Variants in PHF10 observed in about 807,000 individuals in gnomAD.
The protein encoded by PHF10 is PHD finger protein 10, also known as BRG1-associated factor 45a.
Under a neutral mutation model 68.5 loss-of-function variants are expected in PHF10, and 51 were observed. The observed-to-expected ratio is 0.74, with a 90% CI of 0.59 to 0.94. The LOEUF is 0.94. PHF10 is among the 40% of genes least tolerant of loss of function. PHF10 has a pLI of 0.00. For missense variants in PHF10, 460 were observed against 602.6 expected (o/e 0.76, Z 2.48); for synonymous variants, 204 against 203.5 (o/e 1.00, Z -0.02).
At chr6:169,713,853 G>A (rs560895519) in intron 7 of PHF10, among the ~76,000 whole-genome samples, 19 of 152,322 alleles carry the variant, frequency 1.2e-4, no homozygotes, top group African/African-American at 4.3e-4. Flanking sequence ...GCTGGGCACA[G>A]TGGCTCACAC....
chr6:169,723,662 C>T (rs984390139), intron 1 of PHF10, among the ~76,000 whole-genome samples, 183 bp downstream of exon 1: 1 of 151,844 alleles, frequency 6.6e-6, no homozygotes, highest in Non-Finnish European at 1.5e-5. Context: ...ACTTGTTGCT[C>T]GCTAGAGGCC....
chr6:169,721,254 C>A, intron 1 of PHF10, 143 bp from the exon 2 acceptor site: 2 of 533,018 alleles, frequency 3.8e-6, no homozygotes, highest in Non-Finnish European at 6.6e-6. Context: ...AAGAGTTTGG[C>A]ATGAGCAAGA....
rs1408968108 is a variant in PHF10, at chr6:169,705,328, C to T, written c.1223-7G>A. The T allele has an allele frequency of 1.3e-6, 2 of 1,594,244 alleles. No individual in the cohort carries two copies. Among genetic ancestry groups the T allele is most frequent in the African/African-American group, 1.3e-5 (1 of 74,258 alleles). On this transcript the variant is annotated splice_region_variant and splice_polypyrimidine_tract_variant and intron_variant, in intron 10 of 11. Transcript: ENST00000339209. ...TCCAGGCAAGAAGGATGGCCTAAAT[C>T]AAAACCAGTATTAGTGGTATCTCAC...
In PHF10 at chr6:169,712,610, G is replaced by A. The variant is rs190964999; in HGVS notation, c.804-71C>T. On this transcript the variant is annotated intron_variant, in intron 7 of 11. Transcript: ENST00000339209. ...ATAAACAGACTCATCTTTGACCTAT[G>A]AAGATAGCCTTAAACTTCTTGAGTA... 2.2e-6 allele frequency: 3 copies of A among 1,337,148 alleles called. No homozygotes were observed. The East Asian group carries it at 7.1e-5, about 32-fold the overall frequency. The allele number at this position is 1,337,148 out of a possible 1,614,324, so 82.8% of individuals were successfully genotyped here. A position where few individuals can be genotyped will look rare whatever the true frequency, so the allele number is the denominator to read the frequency against.
intron 4 of PHF10, among the ~76,000 whole-genome samples, chr6:169,716,564 C>CA (rs1323183355): frequency 2.6e-5 from 4 of 151,962 alleles, no homozygotes; most frequent in Non-Finnish European, 5.9e-5. Flanking sequence ...TTTCAAAACT[C>CA]ACAGTATCAG....
At chr6:169,718,614 G>C (rs1789105816) in intron 3 of PHF10, among the ~76,000 whole-genome samples, 174 bp downstream of exon 3, 2 of 152,214 alleles carry the variant, frequency 1.3e-5, no homozygotes, top group Admixed American at 1.3e-4. Flanking sequence ...GCTGCAGTGA[G>C]CTATAATCGC....
At chr6:169,715,460 G>C (rs942733392) in intron 6 of PHF10, among the ~76,000 whole-genome samples, 10 of 152,100 alleles carry the variant, frequency 6.6e-5, no homozygotes, top group Non-Finnish European at 1.3e-4. Context: ...CCAGCTAATG[G>C]GGAGGCTGAG....
chr6:169,722,923 T>A (rs1789214527), intron 1 of PHF10, among the ~76,000 whole-genome samples: 1 of 152,222 alleles, frequency 6.6e-6, no homozygotes, highest in Non-Finnish European at 1.5e-5. Context: ...AGTGCAAGGA[T>A]GTGCATTCAG....
intron 1 of PHF10, 95 bp downstream of exon 1, chr6:169,723,750 G>T: frequency 2.9e-6 from 1 of 345,208 alleles, no homozygotes; most frequent in Non-Finnish European, 4.4e-6. Context: ...CCACGCCCCC[G>T]AGACGCTGGG....
chr6:169,716,973 G>C (rs1036951837), intron 4 of PHF10, among the ~76,000 whole-genome samples: 5 of 152,162 alleles, frequency 3.3e-5, no homozygotes, highest in Admixed American at 1.3e-4. Context: ...TTAGACAAGG[G>C]CTGGGCATGG....
chr6:169,707,167 T>C (rs1788820778), intron 9 of PHF10: 1 of 152,036 alleles, frequency 6.6e-6, no homozygotes, highest in Non-Finnish European at 1.5e-5. Flanking sequence ...ATATAAAACT[T>C]TACTATTAAA....
At chr6:169,718,227 T>G (rs1295415274) in intron 3 of PHF10, among the ~76,000 whole-genome samples, 1 of 152,150 alleles carries the variant, frequency 6.6e-6, no homozygotes, top group Admixed American at 6.5e-5. Flanking sequence ...CAAGAAACAA[T>G]GGTAAAAATC....
At chr6:169,721,260 C>A in intron 1 of PHF10, 149 bp from the exon 2 acceptor site, 1 of 524,754 alleles carries the variant, frequency 1.9e-6, no homozygotes. Context: ...TTGGCATGAG[C>A]AAGACCTGGA....
Position 169,713,983 on chromosome 6 carries a change from G to A in PHF10, c.803+750C>T, listed in dbSNP as rs115617941. On this transcript the variant is annotated intron_variant, in intron 7 of 11. Transcript: ENST00000339209. Reference sequence around the variant, plus strand: ...CAAAAATACAAATAATTAGCTGGGCGTGGTGGCATGTGCCTGCAGTCCCGC... The same window carrying A: ...CAAAAATACAAATAATTAGCTGGGCATGGTGGCATGTGCCTGCAGTCCCGC... Among the ~76,000 whole-genome samples, 912 of 152,126 alleles carry A rather than the reference G, an allele frequency of 6.0e-3. 9 individuals carry two copies. The highest frequency in any genetic ancestry group is 0.02 in the African/African-American group (829 of 41,500).
Position 169,710,340 on chromosome 6 carries a change from C to T in PHF10, c.1009G>A (p.Glu337Lys), listed in dbSNP as rs758141321. ...SEGESPPDSQ[E>K]DSFQGRQKSK... ...TTCTGTCTTCCCTGGAAAGAGTCCT[C>T]CTGGCTGTCAGGAGGGCTTTCCCCT... Residue 337 changes from glutamate to lysine, a missense_variant, in exon 9 of 12, where the codon GAG becomes AAG. By Grantham distance (56) the Glu-to-Lys change is moderately conservative. This residue lies in a region of PHF10 where 256 missense variants were observed against 410.5 expected (regional missense o/e 0.62). Transcript: ENST00000339209. 2 of 1,612,002 alleles carry T rather than the reference C, an allele frequency of 1.2e-6. No homozygotes were observed. The highest frequency in any genetic ancestry group is 8.5e-7 in the Non-Finnish European group (1 of 1,178,160).
Position 169,718,788 on chromosome 6 carries a change from C to T in PHF10, c.325G>A (p.Asp109Asn), listed in dbSNP as rs1420510376. The T allele has an allele frequency of 1.0e-5, 16 of 1,524,662 alleles. No homozygotes were observed. The highest frequency in any genetic ancestry group is 1.2e-5 in the Non-Finnish European group (13 of 1,104,548). 94.4% of individuals were successfully genotyped at this position (1,524,662 alleles called of 1,614,324 possible). ...GVTSFKRKYP[D>N]LERRDLSHKE... ...ATTAATCTATTATATAAACTAGTAC[C>T]TGGATATTTCCTTTTAAAGGAGGTC... Residue 109 changes from aspartate (D) to asparagine (N), a missense_variant and splice_region_variant, in exon 3 of 12, where the codon GAT (aspartate) becomes AAT (asparagine). Physicochemically the swap from Asp to Asn is conservative, Grantham distance 23 (BLOSUM62 1). Transcript: ENST00000339209.
At chr6:169,722,423 C>T (rs1409591890) in intron 1 of PHF10, among the ~76,000 whole-genome samples, 2 of 152,092 alleles carry the variant, frequency 1.3e-5, no homozygotes, top group Non-Finnish European at 2.9e-5. Context: ...TACTGGTGAG[C>T]ATTTTAAGGA....
intron 6 of PHF10, 134 bp from the exon 7 acceptor site, chr6:169,714,976 C>G: frequency 1.6e-6 from 1 of 636,996 alleles, no homozygotes; most frequent in Non-Finnish European, 2.8e-6. Context: ...ATATCAGGAG[C>G]TATAACCTAA....
chr6:169,715,859 T>C lies in PHF10; in HGVS notation c.544-2A>G, dbSNP rs1257128315. The C allele has an allele frequency of 1.3e-6, 2 of 1,599,470 alleles. No homozygotes were observed. Among genetic ancestry groups the C allele is most frequent in the Non-Finnish European group, 1.7e-6 (2 of 1,174,276 alleles). Reference sequence around the variant, plus strand: ...CTGAGTATTCTGTTGTTGCATTTGCTGGAAAAAAAAAATACAGTTGGAAGT... The same window carrying C: ...CTGAGTATTCTGTTGTTGCATTTGCCGGAAAAAAAAAATACAGTTGGAAGT... On this transcript the variant is annotated splice_acceptor_variant, in intron 5 of 11. Coordinates refer to ENST00000339209, the MANE Select transcript of PHF10 (RefSeq NM_018288.4). LOFTEE classifies it high-confidence loss of function.
Sources: allele counts gnomAD v4.1 joint callset (sites outside exome capture counted in the v4.1 genomes callset), GRCh38; gene constraint gnomAD v4.1.1; regional missense constraint gnomAD v4.1.1; transcripts MANE v1.5; gene names NCBI Gene and HGNC (gene_info 2026-07-23, HGNC 2026-07-21).